The following FAM241A variants were observed in gnomAD, a reference collection of about 807,000 sequenced individuals.
FAM241A encodes the protein family with sequence similarity 241 member A, also known as uncharacterized protein FAM241A.
In FAM241A, 7 loss-of-function variants were observed where a neutral mutation model predicts 12.2. The observed-to-expected ratio is 0.58, with a 90% CI of 0.33 to 1.08. The LOEUF is 1.08. Among genes scored for constraint, FAM241A ranks in the 50% least tolerant of loss-of-function variants. The pLI, the probability that FAM241A is intolerant of heterozygous loss-of-function variation, is 0.04. For missense variants in FAM241A, 161 were observed against 169.7 expected (o/e 0.95, Z 0.29); for synonymous variants, 74 against 68.2 (o/e 1.08, Z -0.42).
At chr4:112,150,045 ACAAT>A (rs1723216589) in intron 1 of FAM241A, among the ~76,000 whole-genome samples, 1 of 152,078 alleles carries the variant, frequency 6.6e-6, no homozygotes, top group South Asian at 2.1e-4. Context: ...TTCTAATCTT[ACAAT>A]CAGTTAAATA....
In FAM241A at chr4:112,187,243, G is replaced by T; in HGVS notation, c.*305G>T. 4.0e-6 allele frequency: 1 copy of T among 247,566 alleles called. No individual in the cohort carries two copies. Among genetic ancestry groups the T allele is most frequent in the Non-Finnish European group, 7.7e-6 (1 of 130,196 alleles). 15.3% of individuals were successfully genotyped at this position (247,566 alleles called of 1,614,324 possible). A position where few individuals can be genotyped will look rare whatever the true frequency, so the allele number is the denominator to read the frequency against. ...AAGTAACACCACCAGAAAGTGAACAGGGAAAATAACAGGACATGGAATTCA... is the reference window on the plus strand; with the variant it reads ...AAGTAACACCACCAGAAAGTGAACATGGAAAATAACAGGACATGGAATTCA... On this transcript the variant is annotated 3_prime_UTR_variant, in exon 2 of 2. Transcript: ENST00000309733.
rs754286283 is a variant in FAM241A at position 112,186,830 on chromosome 4, G to A, written c.291G>A (p.Val97=). The A allele has an allele frequency of 1.9e-6, 3 of 1,614,020 alleles. No homozygotes were observed. Among genetic ancestry groups the A allele is most frequent in the African/African-American group, 1.3e-5 (1 of 74,976 alleles). Residue 97 remains valine (V), a synonymous_variant, in exon 2 of 2, where the codon GTG becomes GTA. Coordinates refer to ENST00000309733, the MANE Select transcript of FAM241A (RefSeq NM_152400.3). ...GGATGTATTTTGGAGAACGAATAGT[G>A]GAACCAGTAATAGTCATTTTCTTTT... ...FTRMYFGERI[V]EPVIVIFFWV... is the part of the protein sequence containing the mutation.
chr4:112,145,616 C>CGGCGGGGAACGCGACGAG lies in FAM241A; in HGVS notation c.38_55dup (p.Gly13_Glu18dup), dbSNP rs1723117763. 8.1e-7 allele frequency: 1 copy of CGGCGGGGAACGCGACGAG among 1,231,914 alleles called. No individual in the cohort carries two copies. Among genetic ancestry groups the CGGCGGGGAACGCGACGAG allele is most frequent in the African/African-American group, 1.6e-5 (1 of 64,392 alleles). The allele number at this position is 1,231,914 out of a possible 1,614,324, so 76.3% of individuals were successfully genotyped here. Reference sequence around the variant, plus strand: ...CCGGGGAGCTGCTGCGGGGCGGCGACGGCGGGGAACGCGACGAGGACGGGG... The same window carrying CGGCGGGGAACGCGACGAG: ...CCGGGGAGCTGCTGCGGGGCGGCGACGGCGGGGAACGCGACGAGGGCGGGGAACGCGACGAGGACGGGG... On this transcript the variant is annotated inframe_insertion, in exon 1 of 2. Transcript: ENST00000309733.
chr4:112,186,666 G>A, intron 1 of FAM241A, 27 bp from the exon 2 acceptor site: 1 of 1,552,140 alleles, frequency 6.4e-7, no homozygotes, highest in Non-Finnish European at 8.7e-7. Flanking sequence ...TTATGTTCAT[G>A]TTTTGTCTTT....
At chr4:112,171,560 A>G in intron 1 of FAM241A, 1 of 732,324 alleles carries the variant, frequency 1.4e-6, no homozygotes, top group Non-Finnish European at 2.5e-6. Flanking sequence ...TATGAAGACT[A>G]TAAAATCTTG....
At chr4:112,149,219 T>C (rs1302718897) in intron 1 of FAM241A, among the ~76,000 whole-genome samples, 1 of 152,122 alleles carries the variant, frequency 6.6e-6, no homozygotes, top group Non-Finnish European at 1.5e-5. Context: ...TTGCCCAGGC[T>C]AATCTCAAAC....
rs1292310621 is a variant in FAM241A at position 112,186,976 on chromosome 4, A to G, written c.*38A>G. 6.3e-7 allele frequency: 1 copy of G among 1,579,822 alleles called. No individual in the cohort carries two copies. The highest frequency in any genetic ancestry group is 8.6e-7 in the Non-Finnish European group (1 of 1,162,892). ...TTGAATTGTTTGACATTTGGTAGCCATATATGTAATTGAAGAAGTTATATA... is the reference window on the plus strand; with the variant it reads ...TTGAATTGTTTGACATTTGGTAGCCGTATATGTAATTGAAGAAGTTATATA... On this transcript the variant is annotated 3_prime_UTR_variant, in exon 2 of 2. Transcript: ENST00000309733.
At chr4:112,179,203 T>A (rs1723879079) in intron 1 of FAM241A, among the ~76,000 whole-genome samples, 1 of 152,188 alleles carries the variant, frequency 6.6e-6, no homozygotes. Context: ...TCCTTGCCCA[T>A]GCCTATGTCC....
rs1341876531 is a variant in FAM241A at position 112,194,688 on chromosome 4, A to AG, written c.*7753dup. 6.6e-6 allele frequency: 1 copy of AG among 152,178 alleles called. No individual in the cohort carries two copies. The highest frequency in any genetic ancestry group is 1.5e-5 in the Non-Finnish European group (1 of 68,038). The allele number at this position is 152,178 out of a possible 1,614,324, so 9.4% of individuals were successfully genotyped here. On this transcript the variant is annotated 3_prime_UTR_variant, in exon 2 of 2. Transcript: ENST00000309733. ...GTATATTGAACCAGCCTTGCATCCC[A>AG]GGGATGAAGCCCACTTGAACATGGT... is the stretch of plus-strand genomic sequence containing the variant.
At chr4:112,184,548 G>A (rs984363059) in intron 1 of FAM241A, among the ~76,000 whole-genome samples, 1 of 152,046 alleles carries the variant, frequency 6.6e-6, no homozygotes, top group Non-Finnish European at 1.5e-5. Flanking sequence ...TTATATAAAA[G>A]TATAGCTCAA....
At chr4:112,183,994 AAAAAG>A (rs1172767103) in intron 1 of FAM241A, among the ~76,000 whole-genome samples, 2 of 152,168 alleles carry the variant, frequency 1.3e-5, no homozygotes, top group Admixed American at 6.5e-5. Flanking sequence ...AATTTTTTAA[AAAAAG>A]AAAAGATCCA....
At chr4:112,149,741 T>C (rs1723209466) in intron 1 of FAM241A, among the ~76,000 whole-genome samples, 1 of 152,212 alleles carries the variant, frequency 6.6e-6, no homozygotes, top group African/African-American at 2.4e-5. Context: ...ACTTCTATCA[T>C]ATTGTAAGCT....
chr4:112,151,171 G>A (rs1397833641), intron 1 of FAM241A, among the ~76,000 whole-genome samples: 1 of 152,094 alleles, frequency 6.6e-6, no homozygotes, highest in East Asian at 1.9e-4. Flanking sequence ...TATGCCTTTG[G>A]TGACAAGTAA....
Position 112,190,393 on chromosome 4 carries a change from G to A in FAM241A, c.*3455G>A, listed in dbSNP as rs1724140738. The A allele has an allele frequency of 6.6e-6, 1 of 151,980 alleles. No individual in the cohort carries two copies. The highest frequency in any genetic ancestry group is 1.5e-5 in the Non-Finnish European group (1 of 67,982). 9.4% of individuals were successfully genotyped at this position (151,980 alleles called of 1,614,324 possible). Reference sequence around the variant, plus strand: ...ATTGAAGGGAGAAAAAAAAATGTAAGACGGCCAGGCGCGGTGGCTCATCCC... The same window carrying A: ...ATTGAAGGGAGAAAAAAAAATGTAAAACGGCCAGGCGCGGTGGCTCATCCC... On this transcript the variant is annotated 3_prime_UTR_variant, in exon 2 of 2. Transcript: ENST00000309733.
At chr4:112,170,677 T>A (rs1048426256) in intron 1 of FAM241A, among the ~76,000 whole-genome samples, 58 of 152,278 alleles carry the variant, frequency 3.8e-4, no homozygotes, top group African/African-American at 1.3e-3. Flanking sequence ...GCCCACAATT[T>A]AAAATTTACA....
intron 1 of FAM241A, among the ~76,000 whole-genome samples, chr4:112,146,897 T>C (rs1332206017): frequency 6.6e-6 from 1 of 152,252 alleles, no homozygotes; most frequent in East Asian, 1.9e-4. Flanking sequence ...ATTTGGTAGC[T>C]TGTTCTTCGG....
intron 1 of FAM241A, among the ~76,000 whole-genome samples, chr4:112,154,890 C>A (rs184465670): frequency 6.6e-6 from 1 of 151,912 alleles, no homozygotes. Context: ...AAAAATCAGC[C>A]GGGTATGGTG....
In FAM241A at chr4:112,149,206, A is replaced by G. The variant is rs191388669; in HGVS notation, c.153+3473A>G. On this transcript the variant is annotated intron_variant, in intron 1 of 1. Coordinates refer to ENST00000309733, the MANE Select transcript of FAM241A (RefSeq NM_152400.3). ...TTTTTTTTTGAGATAGGGTTTTGCT[A>G]TGTTGCCCAGGCTAATCTCAAACTA... Among the ~76,000 whole-genome samples the G allele has an allele frequency of 1.1e-3, 162 of 152,020 alleles. 1 individual carries two copies. The highest frequency in any genetic ancestry group is 1.3e-4 in the Non-Finnish European group (9 of 67,962).
intron 1 of FAM241A, among the ~76,000 whole-genome samples, chr4:112,178,191 C>T (rs560590315): frequency 6.6e-6 from 1 of 152,214 alleles, no homozygotes; most frequent in Non-Finnish European, 1.5e-5. Context: ...CCAAAGATGT[C>T]CACATCTTAA....
Sources: gnomAD v4.1 joint callset for allele counts (sites outside exome capture counted in the v4.1 genomes callset) on GRCh38, gnomAD v4.1.1 for gene constraint, MANE v1.5 for transcripts, NCBI Gene and HGNC (gene_info 2026-07-23, HGNC 2026-07-21) for gene names.